The following RALGAPA2 variants were observed in gnomAD, a reference collection of about 807,000 sequenced individuals.
The protein encoded by RALGAPA2 is ral GTPase-activating protein subunit alpha-2.
In RALGAPA2, 139 loss-of-function variants were observed where a neutral mutation model predicts 230.4. The ratio of observed to expected loss-of-function variants is 0.60; its 90% CI spans 0.53 to 0.69. The LOEUF is 0.69. RALGAPA2 is among the 30% of genes least tolerant of loss of function. RALGAPA2 has a pLI of 0.00. For synonymous variants in RALGAPA2, 847 were observed against 837.8 expected (o/e 1.01, Z -0.19); for missense variants, 2,163 against 2,276.0 (o/e 0.95, Z 1.01).
At chr20:20,515,509 C>G (rs6132309) in intron 31 of RALGAPA2, among the ~76,000 whole-genome samples, 12,626 of 152,252 alleles carry the variant, frequency 0.083, 756 homozygotes, top group East Asian at 0.16. Flanking sequence ...CTCAGAGTGT[C>G]AGTCGGGGGA....
Position 20,513,295 on chromosome 20 carries a change from C to G in RALGAPA2, c.4085-11G>C. ...TTCTTCTCTTCTTCTCTGTAAACAG[C>G]GGTAAAGAAACATAAAGAGTCAGTG... On this transcript the variant is annotated splice_polypyrimidine_tract_variant and intron_variant, in intron 31 of 39. Transcript: ENST00000202677. 1 of 1,406,190 alleles carries G rather than the reference C, an allele frequency of 7.1e-7. No homozygotes were observed. Among genetic ancestry groups the G allele is most frequent in the Non-Finnish European group, 9.3e-7 (1 of 1,079,468 alleles). The allele number at this position is 1,406,190 out of a possible 1,614,324, so 87.1% of individuals were successfully genotyped here. A position where few individuals can be genotyped will look rare whatever the true frequency, so the allele number is the denominator to read the frequency against.
chr20:20,529,537 A>G (rs2063315580), intron 27 of RALGAPA2, among the ~76,000 whole-genome samples: 1 of 152,236 alleles, frequency 6.6e-6, no homozygotes, highest in African/African-American at 2.4e-5. Context: ...CACCACATAT[A>G]CAACACTAGT....
intron 23 of RALGAPA2, among the ~76,000 whole-genome samples, chr20:20,558,026 C>T (rs567501713): frequency 2.0e-4 from 31 of 151,844 alleles, no homozygotes; most frequent in South Asian, 1.5e-3. Context: ...TTTTTTGAGA[C>T]TAAGTTTCAT....
At chr20:20,643,593 C>T (rs2067113117) in intron 4 of RALGAPA2, 44 bp from the exon 5 acceptor site, 1 of 1,349,746 alleles carries the variant, frequency 7.4e-7, no homozygotes, top group Non-Finnish European at 9.9e-7. Flanking sequence ...TATATAAATG[C>T]ATATCAAAGA....
chr20:20,627,379 G>A (rs2066521175), intron 10 of RALGAPA2, among the ~76,000 whole-genome samples: 1 of 152,210 alleles, frequency 6.6e-6, no homozygotes, highest in African/African-American at 2.4e-5. Context: ...CCCGGCTTTG[G>A]TCTTGTTATC....
Position 20,393,522 on chromosome 20 carries a change from T to A in RALGAPA2, c.*36-269A>T, listed in dbSNP as rs571531631. Among the ~76,000 whole-genome samples the A allele has an allele frequency of 2.6e-5, 4 of 152,210 alleles. No individual in the cohort carries two copies. In the South Asian group the frequency reaches 8.3e-4, roughly 32 times the overall value. On this transcript the variant is annotated intron_variant, in intron 39 of 39. Transcript: ENST00000202677. ...TAATTCAGACTTACTGTCCAATTCA[T>A]AAGTAAAGAATGAAGAGAAAAGGCA...
intron 32 of RALGAPA2, among the ~76,000 whole-genome samples, chr20:20,512,142 C>T (rs2145347037): frequency 6.6e-6 from 1 of 151,864 alleles, no homozygotes; most frequent in Middle Eastern, 3.4e-3. Context: ...GAGCCGAGAC[C>T]ATGCCACAGC....
At chr20:20,512,325 G>A (rs1167569486) in intron 32 of RALGAPA2, among the ~76,000 whole-genome samples, 188 bp downstream of exon 32, 3 of 151,758 alleles carry the variant, frequency 2.0e-5, no homozygotes, top group Non-Finnish European at 4.4e-5. Flanking sequence ...CTGCACACCA[G>A]TACAGCATAA....
At chr20:20,573,880 T>C (rs1392697190) in intron 20 of RALGAPA2, among the ~76,000 whole-genome samples, 1 of 152,256 alleles carries the variant, frequency 6.6e-6, no homozygotes, top group East Asian at 1.9e-4. Flanking sequence ...CAATTATGAA[T>C]ACAGTTGCTA....
intron 10 of RALGAPA2, among the ~76,000 whole-genome samples, chr20:20,625,648 T>C (rs1336018618): frequency 6.6e-6 from 1 of 152,184 alleles, no homozygotes; most frequent in African/African-American, 2.4e-5. Context: ...AACTACACTG[T>C]GAAATATTTG....
intron 38 of RALGAPA2, among the ~76,000 whole-genome samples, chr20:20,405,734 C>T (rs948580432): frequency 1.3e-5 from 2 of 152,180 alleles, no homozygotes; most frequent in Admixed American, 6.5e-5. Context: ...CTGACTTCCC[C>T]TGCCTTTCTC....
At chr20:20,620,678 C>A in intron 10 of RALGAPA2, 48 bp from the exon 11 acceptor site, 1 of 1,459,172 alleles carries the variant, frequency 6.9e-7, no homozygotes. Flanking sequence ...ACACTCAGAT[C>A]AGTATAGGGC....
chr20:20,712,312 G>A lies in RALGAPA2; in HGVS notation c.106+63C>T. 3 of 1,480,892 alleles carry A rather than the reference G, an allele frequency of 2.0e-6. No homozygotes were observed. Among genetic ancestry groups the A allele is most frequent in the South Asian group, 1.2e-5 (1 of 80,758 alleles). 91.7% of individuals were successfully genotyped at this position (1,480,892 alleles called of 1,614,324 possible). A position where few individuals can be genotyped will look rare whatever the true frequency, so the allele number is the denominator to read the frequency against. On this transcript the variant is annotated intron_variant, in intron 1 of 39. Transcript: ENST00000202677. This position sits in a 1 kb window ranked among gnomAD's most constrained non-coding sequence, Gnocchi z 5.5. ...CAGCCACCGACCCCTGCACAGAGGA[G>A]CGCCCTCCCGGCAGGTGCCCCTAAC...
intron 3 of RALGAPA2, among the ~76,000 whole-genome samples, chr20:20,669,837 C>T (rs761855141): frequency 7.6e-4 from 116 of 152,276 alleles, no homozygotes; most frequent in Non-Finnish European, 1.3e-3. Flanking sequence ...CTGATTAAAA[C>T]GAATCTCAGG....
intron 19 of RALGAPA2, among the ~76,000 whole-genome samples, chr20:20,583,539 G>A (rs1485450895): frequency 6.6e-6 from 1 of 152,190 alleles, no homozygotes; most frequent in Non-Finnish European, 1.5e-5. Context: ...CCTAAAGTGT[G>A]CTGGGACTTA....
chr20:20,592,919 AC>A (rs2065336314), intron 16 of RALGAPA2, among the ~76,000 whole-genome samples: 1 of 152,200 alleles, frequency 6.6e-6, no homozygotes, highest in Admixed American at 6.5e-5. Flanking sequence ...TCCTTCACTT[AC>A]AAAAATTTAT....
At chr20:20,632,467 A>G (rs2066708351) in intron 9 of RALGAPA2, among the ~76,000 whole-genome samples, 1 of 152,204 alleles carries the variant, frequency 6.6e-6, no homozygotes, top group African/African-American at 2.4e-5. Context: ...TGTTCTTTCT[A>G]CTTCTCATCA....
chr20:20,619,429 G>T lies in RALGAPA2; in HGVS notation c.1402-15C>A. The T allele has an allele frequency of 6.3e-7, 1 of 1,584,948 alleles. No individual in the cohort carries two copies. Among genetic ancestry groups the T allele is most frequent in the South Asian group, 1.2e-5 (1 of 85,056 alleles). ...TCAGATGAGGCCTTCAGAAGATAAT[G>T]ATCCATTAACAGAGTGGAAGATGCA... On this transcript the variant is annotated splice_polypyrimidine_tract_variant and intron_variant, in intron 11 of 39. Transcript: ENST00000202677.
chr20:20,544,403 T>A (rs1473856644), intron 24 of RALGAPA2, among the ~76,000 whole-genome samples: 1 of 151,882 alleles, frequency 6.6e-6, no homozygotes, highest in Non-Finnish European at 1.5e-5. Context: ...TAGGAATGCT[T>A]TTACACTGTT....
Sources: allele counts gnomAD v4.1 joint callset (sites outside exome capture counted in the v4.1 genomes callset), GRCh38; gene constraint gnomAD v4.1.1; non-coding constraint Gnocchi (gnomAD v3.1); transcripts MANE v1.5; gene names NCBI Gene and HGNC (gene_info 2026-07-23, HGNC 2026-07-21).